MICAL3: variants seen among roughly 807,000 people sequenced by gnomAD.
The protein encoded by MICAL3 is [F-actin]-monooxygenase MICAL3.
Under a neutral mutation model 207.4 loss-of-function variants are expected in MICAL3, and 62 were observed. The ratio of observed to expected loss-of-function variants is 0.30; its 90% confidence interval spans 0.24 to 0.37. MICAL3 has a LOEUF of 0.37. MICAL3 is among the 10% of genes least tolerant of loss of function. The probability of loss-of-function intolerance (pLI) is 1.00; values close to 1 mark genes in which losing one functional copy is unlikely to be tolerated. For synonymous variants in MICAL3, 1,077 were observed against 1,069.3 expected (o/e 1.01, Z -0.14); for missense variants, 2,368 against 2,635.6 (o/e 0.90, Z 2.22).
At chr22:17,977,089 A>G (rs1935693517) in intron 1 of MICAL3, among the ~76,000 whole-genome samples, 1 of 152,184 alleles carries the variant, frequency 6.6e-6, no homozygotes, top group African/African-American at 2.4e-5. Context: ...GGCGTGAGCC[A>G]CCACGCCCGG....
chr22:18,003,466 C>T (rs1923175064), intron 1 of MICAL3, among the ~76,000 whole-genome samples: 1 of 152,190 alleles, frequency 6.6e-6, no homozygotes, highest in South Asian at 2.1e-4. Context: ...AGCAACAAAC[C>T]CCACTGCTCA....
At position 17,818,308 on chromosome 22, in the gene MICAL3, G is replaced by A; in HGVS notation, c.4353C>T (p.Ala1451=). The change falls in exon 26 of 32, where the codon GCC becomes GCT. Residue 1451 remains alanine (A), a synonymous_variant. Transcript: ENST00000441493. The part of the protein sequence containing the change: ...GSQSFNTSDS[A]MLTPPSSPPP... ...GCGGGCTGGAGGGGGGCGTGAGCAT[G>A]GCGGAGTCCGAGGTGTTGAAGCTCT... is the stretch of plus-strand genomic sequence containing the variant. 1 of 1,551,884 alleles carries A rather than the reference G, an allele frequency of 6.4e-7. No homozygotes were observed. Among genetic ancestry groups the A allele is most frequent in the Non-Finnish European group, 8.7e-7 (1 of 1,155,042 alleles).
chr22:17,980,858 T>G, intron 1 of MICAL3: 1 of 526,166 alleles, frequency 1.9e-6, no homozygotes, highest in Non-Finnish European at 3.9e-6. Context: ...CCTCAGTTCC[T>G]GCTCAACTGC....
intron 19 of MICAL3, among the ~76,000 whole-genome samples, chr22:17,851,401 C>T (rs574411739): frequency 2.6e-5 from 4 of 152,328 alleles, no homozygotes; most frequent in Non-Finnish European, 5.9e-5. Flanking sequence ...CTCTCCCCTT[C>T]TGTTCAGGTC....
chr22:17,797,074 C>T (rs186755183), intron 29 of MICAL3, among the ~76,000 whole-genome samples: 2 of 152,216 alleles, frequency 1.3e-5, no homozygotes, highest in Non-Finnish European at 2.9e-5. Context: ...AGCCCACACA[C>T]TGAACCTAGA....
chr22:17,792,903 T>C (rs992539975), intron 29 of MICAL3, among the ~76,000 whole-genome samples: 2 of 152,224 alleles, frequency 1.3e-5, no homozygotes, highest in African/African-American at 4.8e-5. Flanking sequence ...CTCAGTTCCA[T>C]GCATTGCTTT....
intron 19 of MICAL3, among the ~76,000 whole-genome samples, chr22:17,851,113 G>A (rs1195674467): frequency 1.3e-5 from 2 of 152,188 alleles, no homozygotes; most frequent in African/African-American, 4.8e-5. Flanking sequence ...GGATGTAGCT[G>A]GGTAAGATCT....
chr22:17,862,529 G>A lies in MICAL3; in HGVS notation c.2605+2370C>T, dbSNP rs1223948101. The A allele has an allele frequency of 1.1e-5, 11 of 959,106 alleles. No individual in the cohort carries two copies. The South Asian group carries it at 1.4e-4, about 13-fold the overall frequency. The allele number at this position is 959,106 out of a possible 1,614,324, so 59.4% of individuals were successfully genotyped here. A position where few individuals can be genotyped will look rare whatever the true frequency, so the allele number is the denominator to read the frequency against. ...CCCGCCTCGGCCTCCCAAAGTGCTG[G>A]GATTACAGGCATGAGCCATCGTGCC... is the stretch of plus-strand genomic sequence containing the variant. On this transcript the variant is annotated intron_variant, in intron 19 of 31. Transcript: ENST00000441493.
intron 23 of MICAL3, 78 bp from the exon 24 acceptor site, chr22:17,822,248 C>T (rs1200114417): frequency 1.3e-6 from 2 of 1,512,412 alleles, no homozygotes; most frequent in African/African-American, 2.8e-5. Context: ...GCAGCCGCGC[C>T]ACTTGCTCAT....
rs1921215172 is a variant in MICAL3 at position 17,818,342 on chromosome 22, A to G, written c.4319T>C (p.Leu1440Pro). ...CGAGGTGTTGAAGCTCTGGCTGCCC[A>G]GTGTCTTCATGTTGGAGGAGCTCCC... The part of the protein sequence containing the change: ...LHGSSSNMKT[L>P]GSQSFNTSDS... The change falls in exon 26 of 32, where the codon CTG becomes CCG. Residue 1440 changes from leucine (L) to proline (P), a missense_variant. By Grantham distance (98) the Leu-to-Pro change is moderately conservative (BLOSUM62 -3). Coordinates refer to ENST00000441493, the MANE Select transcript of MICAL3 (RefSeq NM_015241.3). The G allele has an allele frequency of 6.3e-7, 1 of 1,592,948 alleles. No homozygotes were observed. Among genetic ancestry groups the G allele is most frequent in the East Asian group, 2.2e-5 (1 of 44,602 alleles).
chr22:17,998,035 C>T (rs780124343), intron 1 of MICAL3, among the ~76,000 whole-genome samples: 64 of 152,158 alleles, frequency 4.2e-4, no homozygotes, highest in Non-Finnish European at 7.9e-4. Flanking sequence ...GGTGTGGTGG[C>T]TTACGCCTGT....
Position 17,801,155 on chromosome 22 carries a change from T to C in MICAL3, c.5650+7689A>G, listed in dbSNP as rs1014937061. Reference sequence around the variant, plus strand: ...ATCCTGAGTTTCCTTTTTCTTTTTTTTTTTTTTTTTTTTTTGAGACGGAGT... The same window carrying C: ...ATCCTGAGTTTCCTTTTTCTTTTTTCTTTTTTTTTTTTTTTGAGACGGAGT... On this transcript the variant is annotated intron_variant, in intron 29 of 31. Transcript: ENST00000441493. Among the ~76,000 whole-genome samples the C allele has an allele frequency of 2.8e-4, 25 of 89,370 alleles. 6 individuals carry two copies. Among genetic ancestry groups the C allele is most frequent in the Non-Finnish European group, 4.8e-4 (24 of 49,662 alleles). The allele number at this position is 89,370 out of a possible 152,430, so 58.6% of individuals were successfully genotyped here.
intron 31 of MICAL3, 28 bp downstream of exon 31, chr22:17,790,970 G>A (rs368904220): frequency 6.2e-7 from 1 of 1,612,676 alleles, no homozygotes; most frequent in Non-Finnish European, 8.5e-7. Context: ...ACCCACCCTG[G>A]CCTCCATGGG....
At chr22:17,968,791 T>C (rs540311149) in intron 1 of MICAL3, among the ~76,000 whole-genome samples, 21 of 152,104 alleles carry the variant, frequency 1.4e-4, no homozygotes, top group Middle Eastern at 3.4e-3. Flanking sequence ...TCGAGGGGAG[T>C]TAGGCGCTTT....
intron 1 of MICAL3, among the ~76,000 whole-genome samples, chr22:17,976,027 C>A (rs139136956): frequency 6.7e-6 from 1 of 150,224 alleles, no homozygotes; most frequent in Admixed American, 6.6e-5. Flanking sequence ...CCAGCCTGGG[C>A]GACAGAGCCA....
At chr22:17,827,970 G>C (rs1922384613) in intron 21 of MICAL3, among the ~76,000 whole-genome samples, 189 bp from the exon 22 acceptor site, 1 of 151,874 alleles carries the variant, frequency 6.6e-6, no homozygotes, top group Non-Finnish European at 1.5e-5. Context: ...TGGACACACA[G>C]ACACACACGC....
intron 29 of MICAL3, among the ~76,000 whole-genome samples, chr22:17,792,455 C>T (rs1968066352): frequency 6.6e-6 from 1 of 152,154 alleles, no homozygotes. Flanking sequence ...TCTCTGCGTC[C>T]CTTGGCAGGG....
intron 17 of MICAL3, 48 bp downstream of exon 17, chr22:17,871,789 T>C: frequency 6.6e-7 from 1 of 1,524,698 alleles, no homozygotes; most frequent in Non-Finnish European, 8.9e-7. Flanking sequence ...ATGGAAACAC[T>C]GTCCAAGCAC....
intron 16 of MICAL3, chr22:17,884,303 C>G (rs562831762): frequency 6.3e-7 from 1 of 1,590,538 alleles, no homozygotes; most frequent in African/African-American, 1.4e-5. Flanking sequence ...GGGGGCAGGG[C>G]GAACCTGCCC....
Sources: gnomAD v4.1 joint callset for allele counts (sites outside exome capture counted in the v4.1 genomes callset) on GRCh38, gnomAD v4.1.1 for gene constraint, MANE v1.5 for transcripts, NCBI Gene and HGNC (gene_info 2026-07-23, HGNC 2026-07-21) for gene names.